The following FBXL17 variants were observed in gnomAD, a reference collection of about 807,000 sequenced individuals.
FBXL17 encodes the protein F-box/LRR-repeat protein 17.
A neutral mutation model predicts 66.2 loss-of-function variants in FBXL17; 22 were observed. That is an observed-to-expected ratio of 0.33 (90% CI 0.24 to 0.47). The LOEUF is 0.47. FBXL17 is among the 20% of genes least tolerant of loss of function. The pLI is 1.00. For missense variants in FBXL17, 878 were observed against 948.2 expected, an observed-to-expected ratio of 0.93 and a Z score of 0.97; for synonymous variants, 474 against 400.5, an observed-to-expected ratio of 1.18 and a Z score of -2.19.
At chr5:108,203,482 A>G (rs767419637) in intron 5 of FBXL17, among the ~76,000 whole-genome samples, 18 of 152,256 alleles carry the variant, frequency 1.2e-4, no homozygotes, top group Non-Finnish European at 2.2e-4. Context: ...TTTTGGCTCA[A>G]CTCTTAACTG....
At chr5:108,067,779 G>A (rs1359681984) in intron 6 of FBXL17, among the ~76,000 whole-genome samples, 2 of 152,156 alleles carry the variant, frequency 1.3e-5, no homozygotes, top group Non-Finnish European at 2.9e-5. Flanking sequence ...AGCTTAATAG[G>A]AGAATTGAAA....
chr5:108,377,461 GCTGT>G (rs1262637017), intron 1 of FBXL17, among the ~76,000 whole-genome samples: 1 of 152,224 alleles, frequency 6.6e-6, no homozygotes, highest in African/African-American at 2.4e-5. Flanking sequence ...AATTGAATCA[GCTGT>G]CTGACAGCGA....
chr5:108,202,167 AG>A (rs1315871392), intron 5 of FBXL17, among the ~76,000 whole-genome samples: 2 of 152,184 alleles, frequency 1.3e-5, no homozygotes, highest in Non-Finnish European at 2.9e-5. Context: ...TTTTATCAAA[AG>A]ACAGATGCCA....
intron 6 of FBXL17, among the ~76,000 whole-genome samples, chr5:108,116,763 A>T (rs1300915937): frequency 6.6e-6 from 1 of 152,004 alleles, no homozygotes; most frequent in African/African-American, 2.4e-5. Flanking sequence ...ATTTCTTATC[A>T]CTCAAAAAAA....
intron 6 of FBXL17, among the ~76,000 whole-genome samples, chr5:108,147,654 G>C (rs1285987608): frequency 6.6e-6 from 1 of 152,138 alleles, no homozygotes; most frequent in African/African-American, 2.4e-5. Flanking sequence ...CAGAGATACT[G>C]GCTAAGAATG....
intron 6 of FBXL17, among the ~76,000 whole-genome samples, chr5:108,073,051 T>A (rs1748402038): frequency 6.6e-6 from 1 of 152,166 alleles, no homozygotes; most frequent in Non-Finnish European, 1.5e-5. Context: ...GTCCTATGTC[T>A]AGTTACAGAA....
intron 7 of FBXL17, among the ~76,000 whole-genome samples, chr5:107,984,229 T>C (rs1429472446): frequency 1.3e-5 from 2 of 152,122 alleles, no homozygotes; most frequent in East Asian, 1.9e-4. Flanking sequence ...GTTATAAAGG[T>C]AAGCTCAGGT....
At chr5:108,120,146 G>C (rs921177352) in intron 6 of FBXL17, among the ~76,000 whole-genome samples, 3 of 152,198 alleles carry the variant, frequency 2.0e-5, no homozygotes, top group Non-Finnish European at 4.4e-5. Flanking sequence ...CTCTCGTGGG[G>C]AAGGGGAAAT....
At chr5:108,079,571 G>A (rs566207846) in intron 6 of FBXL17, among the ~76,000 whole-genome samples, 4 of 152,220 alleles carry the variant, frequency 2.6e-5, no homozygotes, top group South Asian at 2.1e-4. Flanking sequence ...ACCAGAAGAA[G>A]TATTGGAGAA....
intron 7 of FBXL17, among the ~76,000 whole-genome samples, chr5:107,950,867 G>C (rs767796407): frequency 2.6e-5 from 4 of 152,166 alleles, no homozygotes; most frequent in Non-Finnish European, 2.9e-5. Context: ...CCATGAGCAC[G>C]AACTAATAAC....
intron 4 of FBXL17, among the ~76,000 whole-genome samples, chr5:108,225,057 C>T (rs1580648395): frequency 6.6e-6 from 1 of 152,144 alleles, no homozygotes; most frequent in Non-Finnish European, 1.5e-5. Flanking sequence ...TTCACCACCC[C>T]CCAAAGACCC....
At chr5:108,103,522 T>A (rs1749677933) in intron 6 of FBXL17, among the ~76,000 whole-genome samples, 1 of 152,126 alleles carries the variant, frequency 6.6e-6, no homozygotes, top group Non-Finnish European at 1.5e-5. Context: ...TAATCTAATT[T>A]AGGAAAAAAT....
Position 107,872,332 on chromosome 5 carries a change from T to C in FBXL17, c.1965+8705A>G, listed in dbSNP as rs569331803. On this transcript the variant is annotated intron_variant, in intron 8 of 8. Transcript: ENST00000542267. ...ACCCCCCAGCTATATAGAATTCATA[T>C]GAAATCCAAGGGGGGAAGCTTTCTT... 3.5e-4 allele frequency among the ~76,000 whole-genome samples: 53 copies of C among 152,324 alleles called. No individual in the cohort carries two copies. The South Asian group carries it at 0.011, about 32-fold the overall frequency.
intron 6 of FBXL17, among the ~76,000 whole-genome samples, chr5:108,060,179 T>C (rs1342132021): frequency 6.6e-6 from 1 of 151,766 alleles, no homozygotes; most frequent in Non-Finnish European, 1.5e-5. Flanking sequence ...TGTGTACATA[T>C]ATATATAGAT....
chr5:108,381,141 G>C lies in FBXL17; in HGVS notation c.551C>G (p.Pro184Arg). The C allele has an allele frequency of 1.4e-6, 2 of 1,385,564 alleles. No individual in the cohort carries two copies. The highest frequency in any genetic ancestry group is 3.2e-5 in the South Asian group (2 of 62,894). The allele number at this position is 1,385,564 out of a possible 1,614,324, so 85.8% of individuals were successfully genotyped here. Residue 184 changes from proline (P) to arginine (R), a missense_variant, in exon 1 of 9, where the codon CCG becomes CGG. Pro to Arg is a moderately radical substitution (Grantham distance 103). This residue lies in a region of FBXL17 where 605 missense variants were observed against 509.5 expected (regional missense o/e 1.19). Coordinates refer to ENST00000542267, the MANE Select transcript of FBXL17 (RefSeq NM_001163315.3). ...AAVQLFRGPTPSPAELPTPPE... is the reference protein window; with the variant it reads ...AAVQLFRGPTRSPAELPTPPE... Reference sequence around the variant, plus strand: ...GGGCGTAGGGAGCTCGGCCGGTGACGGTGTCGGCCCCCGGAAGAGCTGCAC... The same window carrying C: ...GGGCGTAGGGAGCTCGGCCGGTGACCGTGTCGGCCCCCGGAAGAGCTGCAC...
chr5:108,220,501 T>C (rs903012689), intron 5 of FBXL17, among the ~76,000 whole-genome samples: 5 of 152,206 alleles, frequency 3.3e-5, no homozygotes, highest in African/African-American at 1.2e-4. Flanking sequence ...ATTTTGTCTG[T>C]TTTTTTAAAG....
chr5:108,007,240 G>C (rs1002300044), intron 7 of FBXL17, among the ~76,000 whole-genome samples: 4 of 152,094 alleles, frequency 2.6e-5, no homozygotes, highest in African/African-American at 9.7e-5. Context: ...GTAGTAGTTG[G>C]GAATTGAGTA....
intron 3 of FBXL17, among the ~76,000 whole-genome samples, chr5:108,350,987 T>A (rs1747611589): frequency 6.6e-6 from 1 of 152,176 alleles, no homozygotes; most frequent in Admixed American, 6.6e-5. Context: ...CACTTGTATA[T>A]GAGAAGTCCA....
At chr5:108,121,070 C>T (rs1750474250) in intron 6 of FBXL17, among the ~76,000 whole-genome samples, 1 of 152,184 alleles carries the variant, frequency 6.6e-6, no homozygotes, top group Admixed American at 6.5e-5. Flanking sequence ...TGGCTCACGC[C>T]TGCAATCCCA....
Sources: allele counts gnomAD v4.1 joint callset (sites outside exome capture counted in the v4.1 genomes callset), GRCh38; gene constraint gnomAD v4.1.1; regional missense constraint gnomAD v4.1.1; transcripts MANE v1.5; gene names NCBI Gene and HGNC (gene_info 2026-07-23, HGNC 2026-07-21).